FOXO1: variants seen among roughly 807,000 people sequenced by gnomAD.
FOXO1 encodes the protein forkhead box O1, also known as forkhead box protein O1.
FOXO1 carries 6 observed loss-of-function variants against 44.1 expected under a neutral mutation model. The observed-to-expected ratio is 0.14, with a 90% CI of 0.07 to 0.27. FOXO1 has a LOEUF of 0.27. FOXO1 is among the 10% of genes least tolerant of loss of function. The pLI, the probability that FOXO1 is intolerant of heterozygous loss-of-function variation, is 1.00. For missense variants in FOXO1, 737 were observed against 888.8 expected, an observed-to-expected ratio of 0.83 and a Z score of 2.17; for synonymous variants, 380 against 362.7, an observed-to-expected ratio of 1.05 and a Z score of -0.54.
At chr13:40,599,760 A>G (rs1875750176) in intron 1 of FOXO1, among the ~76,000 whole-genome samples, 1 of 152,186 alleles carries the variant, frequency 6.6e-6, no homozygotes, top group Non-Finnish European at 1.5e-5. Flanking sequence ...AGGAAGCTGG[A>G]AAGATGGGCC....
At chr13:40,586,429 T>C (rs1206068891) in intron 1 of FOXO1, among the ~76,000 whole-genome samples, 1 of 152,066 alleles carries the variant, frequency 6.6e-6, no homozygotes, top group African/African-American at 2.4e-5. Context: ...ATCCCCGGGT[T>C]TCCAGGGAGA....
intron 1 of FOXO1, among the ~76,000 whole-genome samples, chr13:40,612,346 T>C (rs1358369136): frequency 1.3e-5 from 2 of 152,142 alleles, no homozygotes; most frequent in Non-Finnish European, 2.9e-5. Flanking sequence ...GCAGACAGTA[T>C]ATCACAGACA....
Position 40,666,155 on chromosome 13 carries a change from G to C in FOXO1, c.58C>G (p.Pro20Ala). The change falls in exon 1 of 3, where the codon CCG (proline) becomes GCG (alanine). Residue 20 changes from proline (P) to alanine (A), a missense_variant. Physicochemically the swap from Pro to Ala is conservative, Grantham distance 27. Around this residue, in one of 7 missense-constraint regions of FOXO1, gnomAD observed 213 missense variants for 236.4 expected, o/e 0.90. Coordinates refer to ENST00000379561, the MANE Select transcript of FOXO1 (RefSeq NM_002015.4). ...IDPDFEPLPR[P>A]RSCTWPLPRP... ...GGCAGCGGCCAGGTGCACGAGCGCG[G>C]CCGGGGCAGCGGCTCGAAGTCCGGG... 6.8e-7 allele frequency: 1 copy of C among 1,462,480 alleles called. No homozygotes were observed. The highest frequency in any genetic ancestry group is 9.0e-7 in the Non-Finnish European group (1 of 1,110,436). The allele number at this position is 1,462,480 out of a possible 1,614,324, so 90.6% of individuals were successfully genotyped here.
chr13:40,568,653 T>C (rs1388585693), intron 1 of FOXO1, among the ~76,000 whole-genome samples: 1 of 152,174 alleles, frequency 6.6e-6, no homozygotes. Flanking sequence ...GAATAGCTAA[T>C]CTACATGCTT....
intron 1 of FOXO1, among the ~76,000 whole-genome samples, chr13:40,585,767 T>C (rs1875141044): frequency 6.6e-6 from 1 of 152,158 alleles, no homozygotes; most frequent in African/African-American, 2.4e-5. Flanking sequence ...AAGGGTTGTA[T>C]ACAAAAGCTA....
chr13:40,572,924 C>T (rs1045932556), intron 1 of FOXO1, among the ~76,000 whole-genome samples: 7 of 152,232 alleles, frequency 4.6e-5, no homozygotes, highest in East Asian at 3.8e-4. Context: ...GCTCCCTCAG[C>T]ATCACCAGAA....
At chr13:40,613,117 AAG>A (rs1876294454) in intron 1 of FOXO1, among the ~76,000 whole-genome samples, 1 of 152,176 alleles carries the variant, frequency 6.6e-6, no homozygotes. Context: ...CTGGGTAAAA[AAG>A]AACACCTCAT....
intron 1 of FOXO1, among the ~76,000 whole-genome samples, chr13:40,636,363 A>G (rs1408454754): frequency 6.6e-6 from 1 of 152,184 alleles, no homozygotes. Context: ...ACACCATGAA[A>G]GGCTACTGTA....
intron 1 of FOXO1, among the ~76,000 whole-genome samples, chr13:40,585,343 G>GCACACACACACA (rs1555248752): frequency 0.02 from 2,940 of 147,096 alleles, 97 homozygotes; most frequent in East Asian, 0.12. Flanking sequence ...CTGCGCGCGC[G>GCACACACACACA]CACACACACA....
At chr13:40,630,173 C>T (rs975683397) in intron 1 of FOXO1, among the ~76,000 whole-genome samples, 3 of 151,954 alleles carry the variant, frequency 2.0e-5, no homozygotes, top group Admixed American at 6.6e-5. Context: ...CATATTTGTT[C>T]TAGGAATTCA....
intron 1 of FOXO1, among the ~76,000 whole-genome samples, chr13:40,589,692 A>G (rs1300439024): frequency 1.3e-5 from 2 of 152,262 alleles, no homozygotes; most frequent in Admixed American, 6.5e-5. Flanking sequence ...TTGTTTCAGA[A>G]CAAATTTCAA....
At chr13:40,595,619 G>A (rs568455618) in intron 1 of FOXO1, among the ~76,000 whole-genome samples, 1 of 152,222 alleles carries the variant, frequency 6.6e-6, no homozygotes, top group Non-Finnish European at 1.5e-5. Context: ...TGTTAGAAGG[G>A]CCACTAAGAC....
Position 40,571,378 on chromosome 13 carries a change from A to G in FOXO1, c.631-10518T>C, listed in dbSNP as rs56124227. ...CTAGAACTTAAAGTACTATAAAAAA[A>G]GTAAATAAAAAAAGAGATCTGTAGG... is the stretch of plus-strand genomic sequence containing the variant. On this transcript the variant is annotated intron_variant, in intron 1 of 2. Coordinates refer to ENST00000379561, the MANE Select transcript of FOXO1 (RefSeq NM_002015.4). Among the ~76,000 whole-genome samples the G allele has an allele frequency of 5.4e-3, 827 of 152,342 alleles. 5 individuals are homozygous for G. The highest frequency in any genetic ancestry group is 0.019 in the African/African-American group (798 of 41,574).
chr13:40,571,326 C>T (rs910720132), intron 1 of FOXO1, among the ~76,000 whole-genome samples: 4 of 152,090 alleles, frequency 2.6e-5, no homozygotes, highest in Non-Finnish European at 5.9e-5. Context: ...ACCTATGTAA[C>T]AAGCCTGCAC....
chr13:40,636,550 C>T (rs1340020671), intron 1 of FOXO1, among the ~76,000 whole-genome samples: 15 of 108,310 alleles, frequency 1.4e-4, no homozygotes, highest in Admixed American at 4.4e-4. Context: ...GACAGAGTTT[C>T]ACTCTTTGTT....
chr13:40,647,730 C>T (rs1877556371), intron 1 of FOXO1, among the ~76,000 whole-genome samples: 1 of 152,058 alleles, frequency 6.6e-6, no homozygotes, highest in Admixed American at 6.6e-5. Flanking sequence ...AAATCATGGC[C>T]CAGCCCAAAG....
chr13:40,599,716 G>C (rs542039998), intron 1 of FOXO1, among the ~76,000 whole-genome samples: 1 of 152,142 alleles, frequency 6.6e-6, no homozygotes, highest in African/African-American at 2.4e-5. Context: ...CCCCTCCTCC[G>C]GCCTCGGAGG....
chr13:40,655,349 A>C (rs1171899698), intron 1 of FOXO1, among the ~76,000 whole-genome samples: 2 of 51,360 alleles, frequency 3.9e-5, no homozygotes, highest in African/African-American at 8.1e-5. Flanking sequence ...ACCCCATCTC[A>C]AAAAAAAAAA....
intron 1 of FOXO1, among the ~76,000 whole-genome samples, chr13:40,624,390 T>C (rs1876719351): frequency 6.8e-6 from 1 of 147,696 alleles, no homozygotes; most frequent in South Asian, 2.2e-4. Context: ...ACTACAGGAG[T>C]TTCATGAAAA....
Sources: gnomAD v4.1 joint callset for allele counts (sites outside exome capture counted in the v4.1 genomes callset) on GRCh38, gnomAD v4.1.1 for gene constraint, gnomAD v4.1.1 regional missense constraint, MANE v1.5 for transcripts, NCBI Gene and HGNC (gene_info 2026-07-23, HGNC 2026-07-21) for gene names.